VPS33B: variants seen among roughly 807,000 people sequenced by gnomAD.
The protein encoded by VPS33B is VPS33B late endosome and lysosome associated.
In VPS33B, 80 loss-of-function variants were observed where a neutral mutation model predicts 95.3. The observed-to-expected ratio is 0.84, with a 90% CI of 0.70 to 1.01. VPS33B has a LOEUF of 1.01. Among genes scored for constraint, VPS33B ranks in the 50% least tolerant of loss-of-function variants. The pLI, the probability that VPS33B is intolerant of heterozygous loss-of-function variation, is 0.00. For missense variants in VPS33B, 715 were observed against 773.4 expected, an observed-to-expected ratio of 0.92 and a Z score of 0.90; for synonymous variants, 280 against 280.4, an observed-to-expected ratio of 1.00 and a Z score of 0.01.
At position 91,017,365 on chromosome 15, in the gene VPS33B, T is replaced by TAAAAAAAAAAAA. The variant is rs1272281030; in HGVS notation, c.178-342_178-341insTTTTTTTTTTTT. On this transcript the variant is annotated intron_variant, in intron 2 of 22. Coordinates refer to ENST00000333371, the MANE Select transcript of VPS33B (RefSeq NM_018668.5). ...TAACAAGACTCCATCTCTACAAAAT[T>TAAAAAAAAAAAA]AAATATATATATATATATATATATA... Among the ~76,000 whole-genome samples, 34 of 17,004 alleles carry TAAAAAAAAAAAA rather than the reference T, an allele frequency of 2.0e-3. 4 individuals carry two copies. Among genetic ancestry groups the TAAAAAAAAAAAA allele is most frequent in the African/African-American group, 8.2e-3 (19 of 2,316 alleles). 11.2% of individuals were successfully genotyped at this position (17,004 alleles called of 152,430 possible).
chr15:91,002,944 T>C lies in VPS33B; in HGVS notation c.1272+141A>G. Reference sequence around the variant, plus strand: ...AGGCGTGCTGAAAGGTGACTCTCCCTAGTAGCTCTAAGAGGGAGGCCTGAA... The same window carrying C: ...AGGCGTGCTGAAAGGTGACTCTCCCCAGTAGCTCTAAGAGGGAGGCCTGAA... On this transcript the variant is annotated intron_variant, in intron 17 of 22. Transcript: ENST00000333371. The surrounding 1 kb of genome is among the most constrained non-coding windows in gnomAD (Gnocchi z 4.7). 1.1e-6 allele frequency: 1 copy of C among 909,522 alleles called. No individual in the cohort carries two copies. Among genetic ancestry groups the C allele is most frequent in the Non-Finnish European group, 1.8e-6 (1 of 546,014 alleles). The allele number at this position is 909,522 out of a possible 1,614,324, so 56.3% of individuals were successfully genotyped here.
chr15:91,012,678 G>A (rs59435770), intron 5 of VPS33B, among the ~76,000 whole-genome samples: 1,553 of 152,280 alleles, frequency 0.01, 25 homozygotes, highest in African/African-American at 0.035. Context: ...GAGGCCTATG[G>A]TTGGCAAGGT....
At position 91,022,221 on chromosome 15, in the gene VPS33B, G is replaced by A; in HGVS notation, c.29C>T (p.Pro10Leu). MAFPHRPDAPELPDFSMLKR... is the reference protein window; with the variant it reads MAFPHRPDALELPDFSMLKR... Reference sequence around the variant, plus strand: ...CAGCATGGAGAAGTCAGGCAGCTCAGGGGCGTCCGGCCGATGGGGAAAAGC... The same window carrying A: ...CAGCATGGAGAAGTCAGGCAGCTCAAGGGCGTCCGGCCGATGGGGAAAAGC... The change falls in exon 1 of 23, where the codon CCT becomes CTT. Residue 10 changes from proline (P) to leucine (L), a missense_variant. Transcript: ENST00000333371. The A allele has an allele frequency of 6.3e-7, 1 of 1,582,158 alleles. No homozygotes were observed. The highest frequency in any genetic ancestry group is 8.6e-7 in the Non-Finnish European group (1 of 1,160,994).
At chr15:91,003,738 G>A (rs2040513575) in intron 16 of VPS33B, among the ~76,000 whole-genome samples, 1 of 152,144 alleles carries the variant, frequency 6.6e-6, no homozygotes, top group Non-Finnish European at 1.5e-5. Context: ...GCACCTGGCA[G>A]ACTCATGCAT....
rs113154914 is a variant in VPS33B at position 91,014,343 on chromosome 15, G to A, written c.289+41C>T. On this transcript the variant is annotated intron_variant, in intron 4 of 22. Coordinates refer to ENST00000333371, the MANE Select transcript of VPS33B (RefSeq NM_018668.5). ...TGGCCAAGGCCCTTAGATTTTGCCC[G>A]CCCTTTCCCACAGTTACACATAGTA... The A allele has an allele frequency of 2.8e-3, 4,577 of 1,608,320 alleles. 77 individuals carry two copies. In the African/African-American group the frequency reaches 0.042, roughly 15 times the overall value.
rs79422296 is a variant in VPS33B at position 91,011,608 on chromosome 15, C to A, written c.358-1762G>T. 0.01 allele frequency among the ~76,000 whole-genome samples: 1,548 copies of A among 152,306 alleles called. 26 individuals carry two copies. The highest frequency in any genetic ancestry group is 0.034 in the African/African-American group (1,415 of 41,550). On this transcript the variant is annotated intron_variant, in intron 5 of 22. Transcript: ENST00000333371. The surrounding 1 kb of genome is among the most constrained non-coding windows in gnomAD (Gnocchi z 5.5). ...TAGATAAGGTGTTAAGTGGAGAACA[C>A]TCATAAAAATAACTATTTTGTTTTT...
chr15:91,008,102 G>A (rs2040668500), intron 6 of VPS33B, 138 bp from the exon 7 acceptor site: 1 of 786,384 alleles, frequency 1.3e-6, no homozygotes, highest in East Asian at 2.6e-5. Context: ...ATTAAGCAAT[G>A]GAGGCTCAAA....
Position 91,006,769 on chromosome 15 carries a change from C to T in VPS33B, c.701-40G>A, listed in dbSNP as rs766704277. ...CCTGACCATGAAGGTTCTCCCTGAC[C>T]CAGCCTTCTACACAGCATGTCCAAG... is the stretch of plus-strand genomic sequence containing the variant. On this transcript the variant is annotated intron_variant, in intron 9 of 22. Transcript: ENST00000333371. The surrounding 1 kb of genome is among the most constrained non-coding windows in gnomAD (Gnocchi z 5.4). 6.2e-7 allele frequency: 1 copy of T among 1,612,402 alleles called. No individual in the cohort carries two copies. The highest frequency in any genetic ancestry group is 8.5e-7 in the Non-Finnish European group (1 of 1,178,472).
At position 91,022,224 on chromosome 15, in the gene VPS33B, G is replaced by T. The variant is rs772730897; in HGVS notation, c.26C>A (p.Ala9Asp). MAFPHRPDAPELPDFSMLK... is the reference protein window; with the variant it reads MAFPHRPDDPELPDFSMLK... Reference sequence around the variant, plus strand: ...CATGGAGAAGTCAGGCAGCTCAGGGGCGTCCGGCCGATGGGGAAAAGCCAT... The same window carrying T: ...CATGGAGAAGTCAGGCAGCTCAGGGTCGTCCGGCCGATGGGGAAAAGCCAT... The change falls in exon 1 of 23, where the codon GCC becomes GAC. Residue 9 changes from alanine to aspartate, a missense_variant. Ala to Asp is a moderately radical substitution (Grantham distance 126). Coordinates refer to ENST00000333371, the MANE Select transcript of VPS33B (RefSeq NM_018668.5). 1 of 1,580,980 alleles carries T rather than the reference G, an allele frequency of 6.3e-7. No individual in the cohort carries two copies. Among genetic ancestry groups the T allele is most frequent in the Non-Finnish European group, 8.6e-7 (1 of 1,160,218 alleles).
chr15:90,999,808 C>A lies in VPS33B; in HGVS notation c.1658-15G>T. 1 of 1,614,100 alleles carries A rather than the reference C, an allele frequency of 6.2e-7. No individual in the cohort carries two copies. Among genetic ancestry groups the A allele is most frequent in the Non-Finnish European group, 8.5e-7 (1 of 1,179,988 alleles). On this transcript the variant is annotated splice_polypyrimidine_tract_variant and intron_variant, in intron 21 of 22. Coordinates refer to ENST00000333371, the MANE Select transcript of VPS33B (RefSeq NM_018668.5). This position sits in a 1 kb window ranked among gnomAD's most constrained non-coding sequence, Gnocchi z 5.1. ...CTTAGTCATATCTGTGAGGATCAGA[C>A]CAGATTCAGCCCTTCCCTGACATGC...
At chr15:91,016,060 G>A (rs1337845404) in intron 3 of VPS33B, among the ~76,000 whole-genome samples, 1 of 152,160 alleles carries the variant, frequency 6.6e-6, no homozygotes, top group Non-Finnish European at 1.5e-5. Flanking sequence ...TGGAAATCCA[G>A]AGGAGAAAAT....
In VPS33B at chr15:90,999,637, T is replaced by A; in HGVS notation, c.1774+40A>T. 6.2e-7 allele frequency: 1 copy of A among 1,604,450 alleles called. No homozygotes were observed. Among genetic ancestry groups the A allele is most frequent in the Non-Finnish European group, 8.5e-7 (1 of 1,171,676 alleles). ...CCCAGCTGACACTTTGTTACCCAGA[T>A]ACAATGCAGGCCAATTCTCACCTTT... On this transcript the variant is annotated intron_variant, in intron 22 of 22. Coordinates refer to ENST00000333371, the MANE Select transcript of VPS33B (RefSeq NM_018668.5). The surrounding 1 kb of genome is among the most constrained non-coding windows in gnomAD (Gnocchi z 5.1).
rs2040885381 is a variant in VPS33B, at chr15:91,015,096, G to C, written c.240-663C>G. ...CACACCTGTAATCCCAGCACTTTGG[G>C]AGGCAGAGGCGGGTGGATCACCTGA... is the stretch of plus-strand genomic sequence containing the variant. On this transcript the variant is annotated intron_variant, in intron 3 of 22. Coordinates refer to ENST00000333371, the MANE Select transcript of VPS33B (RefSeq NM_018668.5). This position sits in a 1 kb window ranked among gnomAD's most constrained non-coding sequence, Gnocchi z 4.7. Among the ~76,000 whole-genome samples the C allele has an allele frequency of 1.3e-5, 2 of 151,994 alleles. No individual in the cohort carries two copies. The highest frequency in any genetic ancestry group is 4.2e-4 in the South Asian group (2 of 4,808).
At chr15:91,003,427 C>T (rs200259016) in intron 16 of VPS33B, among the ~76,000 whole-genome samples, 1 of 152,100 alleles carries the variant, frequency 6.6e-6, no homozygotes, top group Middle Eastern at 3.4e-3. Flanking sequence ...GGAGAAGTGA[C>T]GACTCATGCA....
chr15:91,008,734 G>C (rs913038508), intron 6 of VPS33B, among the ~76,000 whole-genome samples: 2 of 152,154 alleles, frequency 1.3e-5, no homozygotes, highest in African/African-American at 4.8e-5. Flanking sequence ...ATTAAATCAC[G>C]GTTGTGCTCC....
In VPS33B at chr15:91,004,918, T is replaced by C; in HGVS notation, c.1184A>G (p.Glu395Gly). ...CAAAAGGCACATGAGGCGCAGGCTT[T>C]CTATAGGCGACACCTGCATAGGAAG... is the stretch of plus-strand genomic sequence containing the variant. ...EHIDRQVSPI[E>G]SLRLMCLLSI... is the part of the protein sequence containing the mutation. Residue 395 changes from glutamate to glycine, a missense_variant, in exon 16 of 23, where the codon GAA becomes GGA. Glu to Gly is a moderately conservative substitution (Grantham distance 98). Coordinates refer to ENST00000333371, the MANE Select transcript of VPS33B (RefSeq NM_018668.5). 1 of 1,614,226 alleles carries C rather than the reference T, an allele frequency of 6.2e-7. No homozygotes were observed. The highest frequency in any genetic ancestry group is 8.5e-7 in the Non-Finnish European group (1 of 1,180,040).
Position 90,999,023 on chromosome 15 carries a change from G to A in VPS33B, c.1806C>T (p.Val602=), listed in dbSNP as rs771119081. 6 of 1,614,052 alleles carry A rather than the reference G, an allele frequency of 3.7e-6. No individual in the cohort carries two copies. The highest frequency in any genetic ancestry group is 3.3e-5 in the Admixed American group (2 of 60,002). Residue 602 remains valine (V), a synonymous_variant, in exon 23 of 23, where the codon GTC becomes GTT. Coordinates refer to ENST00000333371, the MANE Select transcript of VPS33B (RefSeq NM_018668.5). The surrounding 1 kb of genome is among the most constrained non-coding windows in gnomAD (Gnocchi z 5.1). ...CCTCCATAAGGCGAGCGCTGTTTGTGACTGCTGTCGTCAGGAAAATGAACC... is the reference window on the plus strand; with the variant it reads ...CCTCCATAAGGCGAGCGCTGTTTGTAACTGCTGTCGTCAGGAAAATGAACC... The part of the protein sequence containing the change: ...GYRFIFLTTA[V]TNSARLMEAM...
In VPS33B at chr15:91,000,386, G is replaced by C. The variant is rs2040402137; in HGVS notation, c.1581+104C>G. The stretch of plus-strand genomic sequence containing the variant: ...CACTCCAGCCTGGGTGACAGAGCAA[G>C]ACTCCATCTCAAATAAAAAAAAAAA... On this transcript the variant is annotated intron_variant, in intron 20 of 22. Transcript: ENST00000333371. The surrounding 1 kb of genome is among the most constrained non-coding windows in gnomAD (Gnocchi z 4.9). 3 of 1,074,636 alleles carry C rather than the reference G, an allele frequency of 2.8e-6. No homozygotes were observed. The highest frequency in any genetic ancestry group is 4.0e-6 in the Non-Finnish European group (3 of 746,928). The allele number at this position is 1,074,636 out of a possible 1,614,324, so 66.6% of individuals were successfully genotyped here.
At position 91,013,740 on chromosome 15, in the gene VPS33B, T is replaced by C. The variant is rs1415224980; in HGVS notation, c.357+64A>G. 9 of 1,585,544 alleles carry C rather than the reference T, an allele frequency of 5.7e-6. No individual in the cohort carries two copies. The Admixed American group carries it at 1.5e-4, about 26-fold the overall frequency. On this transcript the variant is annotated intron_variant, in intron 5 of 22. Transcript: ENST00000333371. This position sits in a 1 kb window ranked among gnomAD's most constrained non-coding sequence, Gnocchi z 4.5. ...ACAGGGAGGTAGTGCTGTTGGCCCCTTACCCCTGCCCGGTCCTCAGTCCTG... is the reference window on the plus strand; with the variant it reads ...ACAGGGAGGTAGTGCTGTTGGCCCCCTACCCCTGCCCGGTCCTCAGTCCTG...
Sources: allele counts gnomAD v4.1 joint callset (sites outside exome capture counted in the v4.1 genomes callset), GRCh38; gene constraint gnomAD v4.1.1; non-coding constraint Gnocchi (gnomAD v3.1); transcripts MANE v1.5; gene names NCBI Gene and HGNC (gene_info 2026-07-23, HGNC 2026-07-21).